DENND1A: variants seen among roughly 807,000 people sequenced by gnomAD.
DENND1A encodes DENN domain containing 1A.
Under a neutral mutation model 113.7 loss-of-function variants are expected in DENND1A, and 51 were observed. That is an observed-to-expected ratio of 0.45 (90% CI 0.36 to 0.57). The LOEUF is 0.57. Among genes scored for constraint, DENND1A ranks in the 20% least tolerant of loss-of-function variants. DENND1A has a pLI of 0.00. For synonymous variants in DENND1A, 565 were observed against 570.8 expected, an observed-to-expected ratio of 0.99 and a Z score of 0.14; for missense variants, 1,258 against 1,395.9, an observed-to-expected ratio of 0.90 and a Z score of 1.57.
At chr9:123,482,721 C>A (rs1213229758) in intron 13 of DENND1A, among the ~76,000 whole-genome samples, 1 of 152,186 alleles carries the variant, frequency 6.6e-6, no homozygotes, top group Non-Finnish European at 1.5e-5. Flanking sequence ...GTGCAGAGAA[C>A]AAAGAACAAG....
chr9:123,792,490 A>G, intron 3 of DENND1A, 97 bp downstream of exon 3: 2 of 1,308,544 alleles, frequency 1.5e-6, no homozygotes, highest in Non-Finnish European at 2.1e-6. Context: ...CCTTCTAAAA[A>G]TTCATTTATC....
chr9:123,882,062 A>G (rs1443823897), intron 1 of DENND1A, among the ~76,000 whole-genome samples: 1 of 151,768 alleles, frequency 6.6e-6, no homozygotes, highest in African/African-American at 2.4e-5. Context: ...TAGCTCTCCT[A>G]CTGTCCCTGT....
At chr9:123,405,968 C>A (rs2043816549) in intron 20 of DENND1A, among the ~76,000 whole-genome samples, 2 of 125,038 alleles carry the variant, frequency 1.6e-5, no homozygotes, top group Middle Eastern at 3.9e-3. Flanking sequence ...GAAGCAGGCA[C>A]ACACTCCACT....
rs1376317006 is a variant in DENND1A at position 123,553,810 on chromosome 9, T to A, written c.993+3760A>T. The stretch of plus-strand genomic sequence containing the variant: ...GTCTTGCTCTGTCACCAGGCTGGAG[T>A]ACAGTGGCACAATCTTGGCTCACTG... On this transcript the variant is annotated intron_variant, in intron 13 of 23. Coordinates refer to ENST00000394215, the MANE Select transcript of DENND1A (RefSeq NM_001352964.2). Among the ~76,000 whole-genome samples the A allele has an allele frequency of 3.3e-5, 5 of 152,176 alleles. No homozygotes were observed. The South Asian group carries it at 1.0e-3, about 32-fold the overall frequency.
intron 19 of DENND1A, among the ~76,000 whole-genome samples, chr9:123,429,393 T>C (rs1262915059): frequency 6.6e-6 from 1 of 151,930 alleles, no homozygotes; most frequent in Non-Finnish European, 1.5e-5. Flanking sequence ...CCATCTCTAC[T>C]AAAAAATACA....
At chr9:123,498,897 A>G (rs2052199799) in intron 13 of DENND1A, among the ~76,000 whole-genome samples, 1 of 151,482 alleles carries the variant, frequency 6.6e-6, no homozygotes, top group Non-Finnish European at 1.5e-5. Context: ...TAGTTTTTGT[A>G]TTTTTAGTAG....
chr9:123,485,891 T>C (rs2050820273), intron 13 of DENND1A, among the ~76,000 whole-genome samples: 1 of 152,192 alleles, frequency 6.6e-6, no homozygotes, highest in South Asian at 2.1e-4. Flanking sequence ...TTTCTAGCCA[T>C]TGCTAACATT....
At chr9:123,863,422 T>C (rs1044248340) in intron 2 of DENND1A, among the ~76,000 whole-genome samples, 5 of 152,210 alleles carry the variant, frequency 3.3e-5, no homozygotes, top group South Asian at 2.1e-4. Context: ...CTTAAAGGTA[T>C]GTTTTGGAGA....
At chr9:123,769,207 CAATT>C (rs1829332337) in intron 4 of DENND1A, among the ~76,000 whole-genome samples, 2 of 152,154 alleles carry the variant, frequency 1.3e-5, no homozygotes, top group East Asian at 1.9e-4. Flanking sequence ...ATTTAAATAA[CAATT>C]AAATAGCAAG....
At chr9:123,620,860 T>A (rs574394846) in intron 10 of DENND1A, among the ~76,000 whole-genome samples, 1 of 148,380 alleles carries the variant, frequency 6.7e-6, no homozygotes, top group Non-Finnish European at 1.5e-5. Flanking sequence ...TAAAAAAAAA[T>A]ATCTCTATTC....
intron 3 of DENND1A, among the ~76,000 whole-genome samples, chr9:123,778,760 G>A (rs909457339): frequency 4.6e-5 from 7 of 151,986 alleles, no homozygotes; most frequent in South Asian, 2.1e-4. Flanking sequence ...TGCCAAACCC[G>A]ATCTAGAGTG....
Position 123,381,526 on chromosome 9 carries a change from T to A in DENND1A, c.3119A>T (p.Gln1040Leu). 1 of 1,613,626 alleles carries A rather than the reference T, an allele frequency of 6.2e-7. No homozygotes were observed. Among genetic ancestry groups the A allele is most frequent in the Non-Finnish European group, 8.5e-7 (1 of 1,179,930 alleles). ...QARDPFEDLL[Q>L]KTKQDVSPSP... Reference sequence around the variant, plus strand: ...CGGGCTCACGTCTTGCTTGGTTTTCTGTAACAAATCCTCAAAGGGGTCTCT... The same window carrying A: ...CGGGCTCACGTCTTGCTTGGTTTTCAGTAACAAATCCTCAAAGGGGTCTCT... The change falls in exon 24 of 24, where the codon CAG becomes CTG. Residue 1040 changes from glutamine to leucine, a missense_variant. Transcript: ENST00000394215. The surrounding 1 kb of genome is among the most constrained non-coding windows in gnomAD (Gnocchi z 4.7).
chr9:123,638,283 G>A (rs2061825902), intron 9 of DENND1A, among the ~76,000 whole-genome samples: 14 of 152,168 alleles, frequency 9.2e-5, no homozygotes, highest in Admixed American at 8.5e-4. Flanking sequence ...AGCACCATGA[G>A]TGAGGAAAGA....
chr9:123,544,631 T>C (rs576007252), intron 13 of DENND1A, among the ~76,000 whole-genome samples: 1 of 152,174 alleles, frequency 6.6e-6, no homozygotes, highest in Non-Finnish European at 1.5e-5. Flanking sequence ...CAGTTTCTCA[T>C]CAGTAAAATG....
At chr9:123,865,161 T>C (rs1376497268) in intron 2 of DENND1A, among the ~76,000 whole-genome samples, 4 of 152,154 alleles carry the variant, frequency 2.6e-5, no homozygotes, top group Admixed American at 2.6e-4. Context: ...AACTGTGTAA[T>C]TAAAAAAAAG....
intron 5 of DENND1A, among the ~76,000 whole-genome samples, chr9:123,738,306 C>A (rs2068721548): frequency 6.6e-6 from 1 of 152,084 alleles, no homozygotes; most frequent in African/African-American, 2.4e-5. Flanking sequence ...CAAGGCTGCA[C>A]ACTGCTGACA....
At chr9:123,496,422 T>G (rs183920953) in intron 13 of DENND1A, among the ~76,000 whole-genome samples, 1 of 152,208 alleles carries the variant, frequency 6.6e-6, no homozygotes, top group Non-Finnish European at 1.5e-5. Flanking sequence ...AGGACATGCA[T>G]GGTAAGGGTT....
chr9:123,543,027 C>T (rs566719656), intron 13 of DENND1A, among the ~76,000 whole-genome samples: 63 of 152,340 alleles, frequency 4.1e-4, no homozygotes, highest in Admixed American at 3.5e-3. Flanking sequence ...GCTGGGAAAG[C>T]CGAATGGCGG....
At chr9:123,420,836 T>G (rs1416321131) in intron 19 of DENND1A, among the ~76,000 whole-genome samples, 1 of 114,100 alleles carries the variant, frequency 8.8e-6, no homozygotes, top group East Asian at 2.4e-4. Context: ...CGGGTGACCC[T>G]AGCCGCTTGG....
Sources: gnomAD v4.1 joint callset for allele counts (sites outside exome capture counted in the v4.1 genomes callset) on GRCh38, gnomAD v4.1.1 for gene constraint, Gnocchi (gnomAD v3.1) non-coding constraint, MANE v1.5 for transcripts, NCBI Gene and HGNC (gene_info 2026-07-23, HGNC 2026-07-21) for gene names.